Variants in TIAM1 observed in about 807,000 individuals in gnomAD.
The protein encoded by TIAM1 is rho guanine nucleotide exchange factor TIAM1.
TIAM1 carries 65 observed loss-of-function variants against 163.5 expected under a neutral mutation model. The observed-to-expected ratio is 0.40, with a 90% CI of 0.33 to 0.49. The LOEUF (loss-of-function observed/expected upper bound fraction) is 0.49, where lower values mean the gene tolerates loss of function less well. TIAM1 is among the 20% of genes least tolerant of loss of function. TIAM1 has a pLI of 0.77. For synonymous variants in TIAM1, 833 were observed against 810.1 expected, an observed-to-expected ratio of 1.03 and a Z score of -0.48; for missense variants, 1,789 against 2,044.7, an observed-to-expected ratio of 0.87 and a Z score of 2.41.
chr21:31,273,149 T>G (rs2073138216), intron 3 of TIAM1, among the ~76,000 whole-genome samples: 2 of 152,226 alleles, frequency 1.3e-5, no homozygotes, highest in Non-Finnish European at 2.9e-5. Flanking sequence ...TTTCCTATTT[T>G]GTTTTTGTTG....
chr21:31,227,640 T>C lies in TIAM1; in HGVS notation c.1585-1690A>G, dbSNP rs1442918560. Among the ~76,000 whole-genome samples, 6 of 152,350 alleles carry C rather than the reference T, an allele frequency of 3.9e-5. No individual in the cohort carries two copies. In the East Asian group the frequency reaches 1.2e-3, roughly 29 times the overall value. Reference sequence around the variant, plus strand: ...ACCGGAAGCCACAGGTGAGGACTTGTAGATTGAGAAACTTAGGAGGAAAAA... The same window carrying C: ...ACCGGAAGCCACAGGTGAGGACTTGCAGATTGAGAAACTTAGGAGGAAAAA... On this transcript the variant is annotated intron_variant, in intron 6 of 27. Coordinates refer to ENST00000541036, the MANE Select transcript of TIAM1 (RefSeq NM_001353694.2).
At chr21:31,463,419 T>C (rs1200247742) in intron 2 of TIAM1, among the ~76,000 whole-genome samples, 2 of 152,160 alleles carry the variant, frequency 1.3e-5, no homozygotes, top group Non-Finnish European at 2.9e-5. Context: ...AGCAGCCCAT[T>C]GCCAGTACCA....
At chr21:31,456,803 T>A (rs974358339) in intron 2 of TIAM1, among the ~76,000 whole-genome samples, 2 of 152,152 alleles carry the variant, frequency 1.3e-5, no homozygotes, top group African/African-American at 4.8e-5. Flanking sequence ...AAGGACCTTT[T>A]ACTTAAACAT....
intron 2 of TIAM1, among the ~76,000 whole-genome samples, chr21:31,311,048 ACT>A (rs2074906202): frequency 6.6e-6 from 1 of 152,012 alleles, no homozygotes; most frequent in South Asian, 2.1e-4. Flanking sequence ...GCTTGGCAGG[ACT>A]CTCTCACGAT....
At chr21:31,145,154 C>G (rs946927315) in intron 20 of TIAM1, among the ~76,000 whole-genome samples, 2 of 152,148 alleles carry the variant, frequency 1.3e-5, no homozygotes, top group Non-Finnish European at 2.9e-5. Context: ...CGGGAAAGGT[C>G]AGGCAGCATG....
chr21:31,163,282 T>TATA (rs2084020561), intron 16 of TIAM1, among the ~76,000 whole-genome samples: 1 of 152,194 alleles, frequency 6.6e-6, no homozygotes, highest in Admixed American at 6.5e-5. Flanking sequence ...CTTACATCAG[T>TATA]ATAGAAATAT....
At chr21:31,136,906 A>C (rs1036519571) in intron 22 of TIAM1, among the ~76,000 whole-genome samples, 61 of 152,358 alleles carry the variant, frequency 4.0e-4, no homozygotes, top group African/African-American at 1.5e-3. Context: ...GGGAGAGAGA[A>C]GCCAATAAAG....
chr21:31,151,915 G>A (rs1274498098), intron 19 of TIAM1, among the ~76,000 whole-genome samples: 4 of 151,906 alleles, frequency 2.6e-5, no homozygotes, highest in African/African-American at 7.3e-5. Context: ...CAAGGACACC[G>A]TGTGCTGGAA....
At chr21:31,393,703 G>A (rs1256127759) in intron 2 of TIAM1, among the ~76,000 whole-genome samples, 6 of 152,144 alleles carry the variant, frequency 3.9e-5, no homozygotes, top group Non-Finnish European at 8.8e-5. Context: ...AGCTGAGAGT[G>A]TCTGTTTGAA....
chr21:31,516,599 G>C (rs1295110561), intron 1 of TIAM1, among the ~76,000 whole-genome samples: 1 of 150,578 alleles, frequency 6.6e-6, no homozygotes, highest in Non-Finnish European at 1.5e-5. Flanking sequence ...TGCCTCATTA[G>C]AGCCACTGAT....
intron 1 of TIAM1, among the ~76,000 whole-genome samples, chr21:31,494,118 T>TA (rs1448965109): frequency 6.6e-6 from 1 of 152,172 alleles, no homozygotes; most frequent in African/African-American, 2.4e-5. Context: ...TTTGCCATGT[T>TA]AGCCAGGCTG....
intron 1 of TIAM1, among the ~76,000 whole-genome samples, chr21:31,556,866 T>C (rs1168517078): frequency 6.6e-6 from 1 of 152,236 alleles, no homozygotes; most frequent in Non-Finnish European, 1.5e-5. Flanking sequence ...GCCCAGCTTT[T>C]TACCTTGAGA....
intron 2 of TIAM1, among the ~76,000 whole-genome samples, chr21:31,385,703 T>C (rs1301006109): frequency 7.1e-6 from 1 of 140,888 alleles, no homozygotes; most frequent in African/African-American, 2.7e-5. Flanking sequence ...AAAAATATAC[T>C]GCACTGGAAG....
intron 2 of TIAM1, among the ~76,000 whole-genome samples, chr21:31,374,839 AT>A (rs2076657141): frequency 6.6e-6 from 1 of 152,266 alleles, no homozygotes; most frequent in South Asian, 2.1e-4. Flanking sequence ...AAAAACAAAT[AT>A]TCGTTATTCC....
At chr21:31,165,123 C>T (rs2084144399) in intron 15 of TIAM1, 58 bp from the exon 16 acceptor site, 3 of 1,534,456 alleles carry the variant, frequency 2.0e-6, no homozygotes, top group African/African-American at 2.7e-5. Flanking sequence ...TGCTAAAAGC[C>T]ACCCCTGTGT....
intron 15 of TIAM1, among the ~76,000 whole-genome samples, chr21:31,174,809 A>C (rs753876216): frequency 1.3e-5 from 2 of 151,868 alleles, no homozygotes; most frequent in Non-Finnish European, 2.9e-5. Flanking sequence ...CACCACTCCC[A>C]GCTAATTTTG....
chr21:31,338,358 CA>C (rs1485551468), intron 2 of TIAM1, among the ~76,000 whole-genome samples: 1 of 152,158 alleles, frequency 6.6e-6, no homozygotes, highest in East Asian at 1.9e-4. Flanking sequence ...CTGGACCAAC[CA>C]ACATAGGAGC....
chr21:31,545,830 C>T (rs1459339070), intron 1 of TIAM1, among the ~76,000 whole-genome samples: 2 of 152,200 alleles, frequency 1.3e-5, no homozygotes, highest in African/African-American at 4.8e-5. Context: ...TTAAGAGGAA[C>T]ACTTTGTGAT....
At chr21:31,545,664 C>T (rs935080726) in intron 1 of TIAM1, among the ~76,000 whole-genome samples, 59 of 152,184 alleles carry the variant, frequency 3.9e-4, no homozygotes, top group Non-Finnish European at 7.4e-5. Context: ...GACTGAGGGT[C>T]TTGGTTCAAT....
Sources: gnomAD v4.1 joint callset for allele counts (sites outside exome capture counted in the v4.1 genomes callset) on GRCh38, gnomAD v4.1.1 for gene constraint, MANE v1.5 for transcripts, NCBI Gene and HGNC (gene_info 2026-07-23, HGNC 2026-07-21) for gene names.